Variants in SUCLA2 observed in about 807,000 individuals in gnomAD.
SUCLA2 encodes succinate-CoA ligase ADP-forming subunit beta.
A neutral mutation model predicts 54.8 loss-of-function variants in SUCLA2; 30 were observed. The ratio of observed to expected loss-of-function variants is 0.55; its 90% confidence interval spans 0.41 to 0.74. The LOEUF (loss-of-function observed/expected upper bound fraction) is 0.74, where lower values mean the gene tolerates loss of function less well. Among genes scored for constraint, SUCLA2 ranks in the 30% least tolerant of loss-of-function variants. The probability of loss-of-function intolerance (pLI) is 0.00; values close to 1 mark genes in which losing one functional copy is unlikely to be tolerated. For synonymous variants in SUCLA2, 172 were observed against 188.9 expected (o/e 0.91, Z 0.74); for missense variants, 476 against 562.9 (o/e 0.85, Z 1.56).
intron 6 of SUCLA2, among the ~76,000 whole-genome samples, chr13:47,961,899 G>T (rs9534885): frequency 0.73 from 110,882 of 152,032 alleles, 41,389 homozygotes; most frequent in Non-Finnish European, 0.82. Flanking sequence ...TCCAGGGCTT[G>T]CTTCTTTGGA....
intron 4 of SUCLA2, among the ~76,000 whole-genome samples, chr13:47,985,116 A>T (rs1238906309): frequency 6.6e-6 from 1 of 152,204 alleles, no homozygotes; most frequent in Non-Finnish European, 1.5e-5. Flanking sequence ...CGGAATCAGG[A>T]TGTGAAAGGT....
At chr13:47,971,603 A>T (rs976647059) in intron 5 of SUCLA2, 3 of 40,760 alleles carry the variant, frequency 7.4e-5, no homozygotes, top group African/African-American at 2.4e-4. Context: ...ACAATAGAGA[A>T]AACCAGTAAA....
intron 2 of SUCLA2, among the ~76,000 whole-genome samples, chr13:47,992,943 T>C (rs1197847892): frequency 6.6e-6 from 1 of 152,168 alleles, no homozygotes; most frequent in Non-Finnish European, 1.5e-5. Flanking sequence ...TTCTGCCAAA[T>C]CTGTGCCCAG....
At chr13:47,974,831 G>GT (rs1949996661) in intron 4 of SUCLA2, among the ~76,000 whole-genome samples, 1 of 152,058 alleles carries the variant, frequency 6.6e-6, no homozygotes, top group East Asian at 1.9e-4. Flanking sequence ...TTTAAAGATT[G>GT]TTTACTGACA....
At chr13:47,997,521 C>G (rs1200193769) in intron 1 of SUCLA2, among the ~76,000 whole-genome samples, 1 of 152,186 alleles carries the variant, frequency 6.6e-6, no homozygotes, top group African/African-American at 2.4e-5. Context: ...GCCCAGATCT[C>G]CCTGGCACTC....
At chr13:47,982,031 A>G (rs1284980499) in intron 4 of SUCLA2, among the ~76,000 whole-genome samples, 1 of 152,220 alleles carries the variant, frequency 6.6e-6, no homozygotes, top group African/African-American at 2.4e-5. Context: ...TATGGAAAAC[A>G]TTATAGAAGC....
chr13:47,960,452 C>A (rs1226545849), intron 6 of SUCLA2, among the ~76,000 whole-genome samples: 1 of 151,974 alleles, frequency 6.6e-6, no homozygotes, highest in Non-Finnish European at 1.5e-5. Flanking sequence ...AAGTTCTGAA[C>A]AGTACATTAT....
rs1950224166 is a variant in SUCLA2, at chr13:48,000,820, G to T, written c.90+360C>A. On this transcript the variant is annotated intron_variant, in intron 1 of 10. Coordinates refer to ENST00000646932, the MANE Select transcript of SUCLA2 (RefSeq NM_003850.3). ...AGGGCATTCCCCCCTGCCCAAAAAG[G>T]GGCGGCGCAAGTCTCAGCCCACCGT... The T allele has an allele frequency of 7.3e-6, 8 of 1,090,942 alleles. 1 individual carries two copies. Among genetic ancestry groups the T allele is most frequent in the Middle Eastern group, 4.1e-4 (1 of 2,424 alleles). The allele number at this position is 1,090,942 out of a possible 1,614,324, so 67.6% of individuals were successfully genotyped here. A position where few individuals can be genotyped will look rare whatever the true frequency, so the allele number is the denominator to read the frequency against.
rs1593473456 is a variant in SUCLA2 at position 47,943,090 on chromosome 13, CAAT to C, written c.*278_*280del. The C allele has an allele frequency of 2.5e-6, 1 of 402,550 alleles. No individual in the cohort carries two copies. Among genetic ancestry groups the C allele is most frequent in the East Asian group, 5.1e-5 (1 of 19,718 alleles). The allele number at this position is 402,550 out of a possible 1,614,324, so 24.9% of individuals were successfully genotyped here. A position where few individuals can be genotyped will look rare whatever the true frequency, so the allele number is the denominator to read the frequency against. On this transcript the variant is annotated 3_prime_UTR_variant, in exon 11 of 11. Coordinates refer to ENST00000646932, the MANE Select transcript of SUCLA2 (RefSeq NM_003850.3). ...TATCAATGAAGAACTTTGTATCCAA[CAAT>C]AATAAACTGGCAAATTGCAAGTTAC...
chr13:47,998,932 G>A (rs1950209177), intron 1 of SUCLA2, among the ~76,000 whole-genome samples: 1 of 152,178 alleles, frequency 6.6e-6, no homozygotes. Flanking sequence ...GGGTAGGGGA[G>A]TAACTAGCAT....
At chr13:47,943,758 G>A (rs199502187) in intron 10 of SUCLA2, among the ~76,000 whole-genome samples, 80,947 of 124,908 alleles carry the variant, frequency 0.65, 24,172 homozygotes, top group East Asian at 0.8. Flanking sequence ...GTGTGTGTGT[G>A]TGTGTGTGTA....
intron 6 of SUCLA2, among the ~76,000 whole-genome samples, chr13:47,965,395 C>T (rs1949908811): frequency 6.6e-6 from 1 of 151,132 alleles, no homozygotes; most frequent in South Asian, 2.1e-4. Context: ...AATGTACCTC[C>T]TGACATTGTG....
intron 8 of SUCLA2, among the ~76,000 whole-genome samples, chr13:47,951,941 A>T (rs571031150): frequency 6.6e-6 from 1 of 150,816 alleles, no homozygotes; most frequent in South Asian, 2.1e-4. Context: ...AACTCTCCTC[A>T]GTCCTACTGC....
rs1464505149 is a variant in SUCLA2, at chr13:47,994,811, T to TA, written c.271+2031dup. The stretch of plus-strand genomic sequence containing the variant: ...TCAGAGCTGCCTACCTGCTTCTTAT[T>TA]ACTTGTGAGTTCTGGTCCCAGAGAA... On this transcript the variant is annotated intron_variant, in intron 2 of 10. Transcript: ENST00000646932. 5 of 985,142 alleles carry TA rather than the reference T, an allele frequency of 5.1e-6. No homozygotes were observed. In the African/African-American group the frequency reaches 8.7e-5, roughly 17 times the overall value. The allele number at this position is 985,142 out of a possible 1,614,324, so 61.0% of individuals were successfully genotyped here.
intron 6 of SUCLA2, among the ~76,000 whole-genome samples, chr13:47,963,721 C>T (rs1949892186): frequency 6.6e-6 from 1 of 151,994 alleles, no homozygotes; most frequent in South Asian, 2.1e-4. Context: ...TATACATACA[C>T]ATACACACAC....
In SUCLA2 at chr13:47,994,437, G is replaced by A. The variant is rs569880454; in HGVS notation, c.271+2406C>T. On this transcript the variant is annotated intron_variant, in intron 2 of 10. Coordinates refer to ENST00000646932, the MANE Select transcript of SUCLA2 (RefSeq NM_003850.3). ...ACAAAAATTAGCTGGGCATGGTGGC[G>A]GGCACCTGTAATCCCAGCTACTCAG... Among the ~76,000 whole-genome samples, 8 of 151,462 alleles carry A rather than the reference G, an allele frequency of 5.3e-5. No individual in the cohort carries two copies. In the East Asian group the frequency reaches 1.2e-3, roughly 22 times the overall value.
chr13:47,968,350 G>A (rs986923417), intron 6 of SUCLA2, among the ~76,000 whole-genome samples: 2 of 152,116 alleles, frequency 1.3e-5, no homozygotes, highest in Non-Finnish European at 1.5e-5. Flanking sequence ...GTACAGTTCC[G>A]ACCCCTCTGT....
intron 5 of SUCLA2, among the ~76,000 whole-genome samples, chr13:47,969,226 G>GA (rs1320946534): frequency 3.3e-5 from 5 of 151,982 alleles, no homozygotes; most frequent in Non-Finnish European, 5.9e-5. Flanking sequence ...ATAAAATGTG[G>GA]ACTGACAACC....
At chr13:47,981,800 G>A (rs1038510237) in intron 4 of SUCLA2, among the ~76,000 whole-genome samples, 2 of 152,124 alleles carry the variant, frequency 1.3e-5, no homozygotes, top group African/African-American at 4.8e-5. Context: ...GCAACAGAAC[G>A]AGACTCCGTC....
Sources: allele counts gnomAD v4.1 joint callset (sites outside exome capture counted in the v4.1 genomes callset), GRCh38; gene constraint gnomAD v4.1.1; transcripts MANE v1.5; gene names NCBI Gene and HGNC (gene_info 2026-07-23, HGNC 2026-07-21).